CAST: variants seen among roughly 807,000 people sequenced by gnomAD.
The protein encoded by CAST is calpastatin, also known as MIR583 host.
A neutral mutation model predicts 119.6 loss-of-function variants in CAST; 76 were observed. That is an observed-to-expected ratio of 0.64 (90% CI 0.53 to 0.77). The LOEUF (loss-of-function observed/expected upper bound fraction) is 0.77. CAST is among the 30% of genes least tolerant of loss of function. The probability of loss-of-function intolerance (pLI) is 0.00; values close to 1 mark genes in which losing one functional copy is unlikely to be tolerated. For missense variants in CAST, 953 were observed against 946.5 expected (o/e 1.01, Z -0.09); for synonymous variants, 319 against 331.6 (o/e 0.96, Z 0.41).
At chr5:96,344,025 C>T in the CAST span, among the ~76,000 whole-genome samples, 3 of 152,166 alleles carry the variant, frequency 2.0e-5, no homozygotes, top group African/African-American at 7.2e-5. Flanking sequence ...GGAATTGGAT[C>T]GTAACCCCTA....
At chr5:96,755,961 G>A (rs1185896511) in intron 22 of CAST, among the ~76,000 whole-genome samples, 1 of 152,198 alleles carries the variant, frequency 6.6e-6, no homozygotes, top group Non-Finnish European at 1.5e-5. Flanking sequence ...ATTGGTTGGT[G>A]ATTTGCTCTC....
At chr5:96,405,929 A>G in the CAST span, among the ~76,000 whole-genome samples, 1 of 152,176 alleles carries the variant, frequency 6.6e-6, no homozygotes, top group South Asian at 2.1e-4. Context: ...CTAGACATAA[A>G]ATTTTAAGAT....
chr5:96,695,310 T>C (rs1753151258), intron 2 of CAST, among the ~76,000 whole-genome samples: 2 of 152,230 alleles, frequency 1.3e-5, no homozygotes, highest in African/African-American at 4.8e-5. Flanking sequence ...ATTCTATTAT[T>C]CTAATAATTA....
chr5:96,030,811 C>A, the CAST span, among the ~76,000 whole-genome samples: 1 of 151,854 alleles, frequency 6.6e-6, no homozygotes, highest in Non-Finnish European at 1.5e-5. Context: ...TTTGGGAGGC[C>A]CAAAAGGAGG....
chr5:96,089,555 G>A, the CAST span, among the ~76,000 whole-genome samples: 5 of 152,202 alleles, frequency 3.3e-5, no homozygotes, highest in Non-Finnish European at 7.4e-5. Context: ...GGGTCTAAAT[G>A]TTCCAATATG....
the CAST span, among the ~76,000 whole-genome samples, chr5:96,162,350 T>C: frequency 2.6e-5 from 4 of 152,258 alleles, no homozygotes; most frequent in African/African-American, 9.6e-5. Flanking sequence ...ATGCTTTTCC[T>C]ACATTTATTG....
At chr5:96,498,590 T>G in the CAST span, among the ~76,000 whole-genome samples, 1 of 152,218 alleles carries the variant, frequency 6.6e-6, no homozygotes, top group African/African-American at 2.4e-5. Flanking sequence ...GATCTCTGAC[T>G]TGAATAAAGT....
At chr5:96,575,707 A>G (rs1014437713) in intron 1 of CAST, among the ~76,000 whole-genome samples, 4 of 151,978 alleles carry the variant, frequency 2.6e-5, no homozygotes, top group Non-Finnish European at 4.4e-5. Context: ...CAGTGGCACA[A>G]TCACTGCTCA....
At chr5:96,400,417 A>G in the CAST span, among the ~76,000 whole-genome samples, 33 of 152,372 alleles carry the variant, frequency 2.2e-4, no homozygotes, top group Non-Finnish European at 3.8e-4. Context: ...TCCAGAGCAT[A>G]TAAGCTTTTA....
the CAST span, among the ~76,000 whole-genome samples, chr5:96,021,030 A>T: frequency 1.3e-5 from 2 of 152,172 alleles, no homozygotes; most frequent in Non-Finnish European, 2.9e-5. Context: ...AAAATATGTC[A>T]TTGAAATTTT....
upstream of CAST, among the ~76,000 whole-genome samples, chr5:96,659,178 A>AGGTT (rs1748208765): frequency 6.6e-6 from 1 of 152,376 alleles, no homozygotes; most frequent in African/African-American, 2.4e-5. Flanking sequence ...ATCACGTAAC[A>AGGTT]GATATAATGA....
the CAST span, chr5:96,213,821 A>G: frequency 1.3e-5 from 2 of 152,086 alleles, no homozygotes; most frequent in Non-Finnish European, 2.9e-5. Flanking sequence ...TAAAAGGTCA[A>G]TCCCGTTCCA....
the CAST span, among the ~76,000 whole-genome samples, chr5:96,068,411 T>TTTAAG: frequency 1.3e-5 from 2 of 152,112 alleles, no homozygotes; most frequent in African/African-American, 4.8e-5. Context: ...AACTTTACCC[T>TTTAAG]GACTCCTGGT....
chr5:96,068,513 G>C, the CAST span, among the ~76,000 whole-genome samples: 1 of 151,516 alleles, frequency 6.6e-6, no homozygotes, highest in Non-Finnish European at 1.5e-5. Context: ...CTAAACATCT[G>C]ATATGGGAAC....
chr5:96,411,403 C>T, the CAST span, among the ~76,000 whole-genome samples: 1 of 152,232 alleles, frequency 6.6e-6, no homozygotes, highest in African/African-American at 2.4e-5. Context: ...ATCTGCCTTG[C>T]AGCTGCATTA....
chr5:96,124,015 G>A, the CAST span, among the ~76,000 whole-genome samples: 1 of 151,986 alleles, frequency 6.6e-6, no homozygotes, highest in Non-Finnish European at 1.5e-5. Context: ...CAAAAAGATG[G>A]TCAATATTTA....
At chr5:96,139,254 A>C in the CAST span, among the ~76,000 whole-genome samples, 1 of 151,784 alleles carries the variant, frequency 6.6e-6, no homozygotes, top group Non-Finnish European at 1.5e-5. Context: ...ATAAAGTCTC[A>C]TATAAACTTC....
chr5:96,287,452 A>G, the CAST span, among the ~76,000 whole-genome samples: 1 of 152,184 alleles, frequency 6.6e-6, no homozygotes, highest in Non-Finnish European at 1.5e-5. Flanking sequence ...ACATTCAAGT[A>G]ACCCTTCAGA....
chr5:96,637,592 C>T (rs552152541), intron 1 of CAST, among the ~76,000 whole-genome samples: 2 of 152,264 alleles, frequency 1.3e-5, no homozygotes, highest in South Asian at 4.1e-4. Context: ...CTTAATGATC[C>T]TTTAGAAATT....
Sources: allele counts gnomAD v4.1 joint callset (sites outside exome capture counted in the v4.1 genomes callset), GRCh38; gene constraint gnomAD v4.1.1; transcripts MANE v1.5; gene names NCBI Gene and HGNC (gene_info 2026-07-23, HGNC 2026-07-21).